FBXL7: variants seen among roughly 807,000 people sequenced by gnomAD.
FBXL7 encodes F-box/LRR-repeat protein 7.
A neutral mutation model predicts 38.3 loss-of-function variants in FBXL7; 12 were observed. The ratio of observed to expected loss-of-function variants is 0.31; its 90% CI spans 0.20 to 0.51. The LOEUF (loss-of-function observed/expected upper bound fraction) is 0.51. Ranked by LOEUF, FBXL7 falls within the 20% of genes least tolerant of loss-of-function variation. FBXL7 has a pLI of 0.98. For missense variants in FBXL7, 567 were observed against 676.4 expected, an observed-to-expected ratio of 0.84 and a Z score of 1.79; for synonymous variants, 297 against 300.9, an observed-to-expected ratio of 0.99 and a Z score of 0.13.
chr5:15,654,863 A>G (rs563739249), intron 2 of FBXL7, among the ~76,000 whole-genome samples: 1 of 152,370 alleles, frequency 6.6e-6, no homozygotes, highest in Admixed American at 6.5e-5. Context: ...TTTTATATAT[A>G]CATGTGGGTT....
chr5:15,891,342 AT>A (rs1429299901), intron 2 of FBXL7, among the ~76,000 whole-genome samples: 4 of 152,234 alleles, frequency 2.6e-5, no homozygotes, highest in African/African-American at 4.8e-5. Flanking sequence ...CTCTGCATGG[AT>A]CAGAATAGTT....
In FBXL7 at chr5:15,674,251, T is replaced by C. The variant is rs111718733; in HGVS notation, c.127+58179T>C. On this transcript the variant is annotated intron_variant, in intron 2 of 3. Transcript: ENST00000504595. ...ATATGATGTTAATGTTATCACAATATCTGTACGTAGTTCACAGAACAGTTT... is the reference window on the plus strand; with the variant it reads ...ATATGATGTTAATGTTATCACAATACCTGTACGTAGTTCACAGAACAGTTT... Among the ~76,000 whole-genome samples the C allele has an allele frequency of 2.4e-3, 367 of 152,342 alleles. 2 individuals are homozygous for C. The highest frequency in any genetic ancestry group is 8.5e-3 in the African/African-American group (352 of 41,584).
At chr5:15,620,230 C>CT (rs796293132) in intron 2 of FBXL7, among the ~76,000 whole-genome samples, 5,542 of 134,128 alleles carry the variant, frequency 0.041, 122 homozygotes, top group Middle Eastern at 0.056. Context: ...TTCTTTTTTT[C>CT]TTTTTTTTTT....
At chr5:15,559,711 A>G (rs1259631588) in intron 1 of FBXL7, among the ~76,000 whole-genome samples, 1 of 152,200 alleles carries the variant, frequency 6.6e-6, no homozygotes, top group African/African-American at 2.4e-5. Flanking sequence ...AAGAAGACAA[A>G]GATTAGTGGA....
intron 1 of FBXL7, among the ~76,000 whole-genome samples, chr5:15,564,391 TG>T (rs1205091395): frequency 2.7e-5 from 4 of 149,674 alleles, no homozygotes; most frequent in African/African-American, 9.7e-5. Flanking sequence ...TGTGTGTGTG[TG>T]TGTGTGTGTG....
intron 2 of FBXL7, among the ~76,000 whole-genome samples, chr5:15,827,215 C>T (rs369017562): frequency 1.3e-4 from 20 of 152,108 alleles, no homozygotes; most frequent in African/African-American, 4.1e-4. Flanking sequence ...CATTTAAATT[C>T]TCTCAATGTG....
intron 2 of FBXL7, among the ~76,000 whole-genome samples, chr5:15,671,197 A>G (rs1277487471): frequency 2.0e-5 from 3 of 151,942 alleles, no homozygotes; most frequent in Admixed American, 1.3e-4. Flanking sequence ...ATAGTTCTGT[A>G]CTCTATATTT....
chr5:15,877,155 G>A (rs1473851001), intron 2 of FBXL7, among the ~76,000 whole-genome samples: 1 of 152,112 alleles, frequency 6.6e-6, no homozygotes, highest in Non-Finnish European at 1.5e-5. Context: ...GCTGTCGCTG[G>A]CTTCACAACA....
At chr5:15,577,440 G>A (rs1199476579) in intron 1 of FBXL7, among the ~76,000 whole-genome samples, 1 of 152,138 alleles carries the variant, frequency 6.6e-6, no homozygotes. Context: ...GAGAGTGACC[G>A]CTTTCTATTT....
chr5:15,891,942 A>G (rs1740920893), intron 2 of FBXL7, among the ~76,000 whole-genome samples: 1 of 152,226 alleles, frequency 6.6e-6, no homozygotes, highest in Non-Finnish European at 1.5e-5. Flanking sequence ...CCAGAAGTAA[A>G]GGAACTCAGC....
At chr5:15,594,302 G>T (rs1399558482) in intron 1 of FBXL7, among the ~76,000 whole-genome samples, 3 of 152,212 alleles carry the variant, frequency 2.0e-5, no homozygotes, top group Non-Finnish European at 4.4e-5. Flanking sequence ...GGTCAGAGAG[G>T]TCAAGAATTT....
intron 2 of FBXL7, among the ~76,000 whole-genome samples, chr5:15,816,206 C>T (rs1213149338): frequency 2.0e-5 from 3 of 151,796 alleles, no homozygotes; most frequent in East Asian, 1.9e-4. Flanking sequence ...ATGAAATGAA[C>T]CTAAGTGCCC....
chr5:15,918,632 A>G (rs1579600774), intron 2 of FBXL7, among the ~76,000 whole-genome samples: 1 of 152,358 alleles, frequency 6.6e-6, no homozygotes, highest in East Asian at 1.9e-4. Context: ...GGGGTTTGTG[A>G]CTCAGTGAAG....
At chr5:15,587,981 T>C (rs534003648) in intron 1 of FBXL7, among the ~76,000 whole-genome samples, 5 of 152,210 alleles carry the variant, frequency 3.3e-5, no homozygotes, top group Non-Finnish European at 4.4e-5. Flanking sequence ...AAAAACTCTC[T>C]GAATTCTGGG....
chr5:15,858,809 A>C (rs893088041), intron 2 of FBXL7, among the ~76,000 whole-genome samples: 1 of 152,192 alleles, frequency 6.6e-6, no homozygotes, highest in African/African-American at 2.4e-5. Context: ...TGCAGATTTT[A>C]CCATTTTTCC....
chr5:15,805,812 T>G (rs16867750), intron 2 of FBXL7, among the ~76,000 whole-genome samples: 5,770 of 152,306 alleles, frequency 0.038, 377 homozygotes, highest in African/African-American at 0.13. Flanking sequence ...CTGTTTACAA[T>G]AATAACTTCA....
intron 1 of FBXL7, among the ~76,000 whole-genome samples, chr5:15,510,445 G>A (rs1409132243): frequency 6.6e-6 from 1 of 152,168 alleles, no homozygotes; most frequent in East Asian, 1.9e-4. Flanking sequence ...GGGTCAAGTA[G>A]TAGAAGCATC....
intron 2 of FBXL7, among the ~76,000 whole-genome samples, chr5:15,632,699 C>T (rs2126543067): frequency 6.6e-6 from 1 of 152,220 alleles, no homozygotes; most frequent in African/African-American, 2.4e-5. Context: ...TAAAAAATAA[C>T]AAAATTATGT....
chr5:15,779,221 A>T (rs1295522980), intron 2 of FBXL7, among the ~76,000 whole-genome samples: 2 of 152,010 alleles, frequency 1.3e-5, no homozygotes, highest in African/African-American at 4.8e-5. Flanking sequence ...GATGAAGGTA[A>T]GTTAGTTAAG....
Sources: allele counts gnomAD v4.1 joint callset (sites outside exome capture counted in the v4.1 genomes callset), GRCh38; gene constraint gnomAD v4.1.1; transcripts MANE v1.5; gene names NCBI Gene and HGNC (gene_info 2026-07-23, HGNC 2026-07-21).